ATG14: variants seen among roughly 807,000 people sequenced by gnomAD.
ATG14 encodes beclin 1-associated autophagy-related key regulator.
Under a neutral mutation model 60.4 loss-of-function variants are expected in ATG14, and 35 were observed. The observed-to-expected ratio is 0.58, with a 90% CI of 0.44 to 0.77. The LOEUF is 0.77. Ranked by LOEUF, ATG14 falls within the 30% of genes least tolerant of loss-of-function variation. ATG14 has a pLI of 0.00. For missense variants in ATG14, 647 were observed against 626.3 expected (o/e 1.03, Z -0.35); for synonymous variants, 234 against 228.8 (o/e 1.02, Z -0.21).
intron 6 of ATG14, 110 bp downstream of exon 6, chr14:55,381,852 A>G: frequency 6.0e-6 from 5 of 837,234 alleles, no homozygotes; most frequent in Non-Finnish European, 1.9e-6. Context: ...AGTGCTGTGA[A>G]TGTACTAAAT....
intron 3 of ATG14, among the ~76,000 whole-genome samples, chr14:55,393,106 G>A (rs974142740): frequency 6.6e-6 from 1 of 152,154 alleles, no homozygotes; most frequent in Non-Finnish European, 1.5e-5. Context: ...ATATGACTGG[G>A]CGCGGTGGCT....
intron 1 of ATG14, among the ~76,000 whole-genome samples, chr14:55,400,641 A>G (rs1885382130): frequency 1.3e-5 from 2 of 152,136 alleles, no homozygotes; most frequent in South Asian, 4.1e-4. Flanking sequence ...GGTGGCTCAC[A>G]CCTGTAATCG....
chr14:55,400,233 G>GAA (rs1885375120), intron 1 of ATG14, among the ~76,000 whole-genome samples: 1 of 152,106 alleles, frequency 6.6e-6, no homozygotes, highest in Non-Finnish European at 1.5e-5. Context: ...CCACAAGTCT[G>GAA]TGCTTTCTCA....
intron 7 of ATG14, among the ~76,000 whole-genome samples, chr14:55,380,219 G>A (rs934936793): frequency 6.6e-6 from 1 of 151,994 alleles, no homozygotes; most frequent in Non-Finnish European, 1.5e-5. Context: ...CTGCACTCTG[G>A]CCTGGGCGAC....
chr14:55,382,821 C>T (rs1885058580), intron 5 of ATG14, among the ~76,000 whole-genome samples: 1 of 152,194 alleles, frequency 6.6e-6, no homozygotes, highest in African/African-American at 2.4e-5. Context: ...GTGTTTAAAA[C>T]ACTTTGGAAT....
intron 1 of ATG14, among the ~76,000 whole-genome samples, chr14:55,409,886 G>A (rs1440733954): frequency 6.6e-6 from 1 of 152,222 alleles, no homozygotes; most frequent in Non-Finnish European, 1.5e-5. Context: ...GAGCAAGGAC[G>A]GAAGCAGAGA....
intron 3 of ATG14, 105 bp from the exon 4 acceptor site, chr14:55,391,097 T>C: frequency 1.3e-6 from 1 of 741,158 alleles, no homozygotes; most frequent in South Asian, 1.9e-5. Flanking sequence ...GAAAACATAA[T>C]GAAGAAAAAG....
Position 55,377,854 on chromosome 14 carries a change from C to T in ATG14, c.1137G>A (p.Met379Ile), listed in dbSNP as rs1191922468. 2 of 1,602,492 alleles carry T rather than the reference C, an allele frequency of 1.2e-6. No individual in the cohort carries two copies. The highest frequency in any genetic ancestry group is 1.8e-5 in the Admixed American group (1 of 56,714). ...LQPLHTLRNL[M>I]YLVSPSSEHL... ...GTTCAGAGCTTGGACTGACCAGGTA[C>T]ATTAGATTCCTGAGGGTATGCAGTG... is the stretch of plus-strand genomic sequence containing the variant. The change falls in exon 9 of 10, where the codon ATG becomes ATA. Residue 379 changes from methionine (M) to isoleucine (I), a missense_variant. By Grantham distance (10) the Met-to-Ile change is conservative. Coordinates refer to ENST00000247178, the MANE Select transcript of ATG14 (RefSeq NM_014924.5).
intron 1 of ATG14, among the ~76,000 whole-genome samples, chr14:55,409,408 C>G (rs1372830961): frequency 6.6e-6 from 1 of 152,106 alleles, no homozygotes; most frequent in Non-Finnish European, 1.5e-5. Context: ...GTTTATATCA[C>G]TGGGGTGGGG....
chr14:55,371,665 G>A (rs757513434), intron 9 of ATG14, among the ~76,000 whole-genome samples: 15 of 152,282 alleles, frequency 9.9e-5, no homozygotes, highest in Non-Finnish European at 1.3e-4. Context: ...TTAGCTGGGT[G>A]TGATGGCGGG....
intron 6 of ATG14, among the ~76,000 whole-genome samples, chr14:55,381,624 C>T (rs1262759014): frequency 6.6e-6 from 1 of 152,172 alleles, no homozygotes; most frequent in Non-Finnish European, 1.5e-5. Context: ...GAAAACATTA[C>T]GCTAAGTGAA....
intron 1 of ATG14, 90 bp downstream of exon 1, chr14:55,411,512 C>T: frequency 1.6e-6 from 2 of 1,288,526 alleles, no homozygotes; most frequent in South Asian, 1.4e-5. Flanking sequence ...TATCTGGTGC[C>T]CGGACGGGGA....
chr14:55,383,700 G>C (rs1488715663), intron 5 of ATG14, among the ~76,000 whole-genome samples: 1 of 151,760 alleles, frequency 6.6e-6, no homozygotes, highest in Non-Finnish European at 1.5e-5. Context: ...GCTCACGAAT[G>C]GTGCTATAAT....
rs1885575700 is a variant in ATG14 at position 55,411,667 on chromosome 14, C to G, written c.156G>C (p.Arg52=). ...RCPLCNTTRR[R]LTCAKCVQSG... ...TCTGAACGCATTTGGCGCAGGTCAG[C>G]CGCCGGCGGGTAGTGTTGCACAGCG... The change falls in exon 1 of 10, where the codon CGG becomes CGC. Residue 52 remains arginine (R), a synonymous_variant. Coordinates refer to ENST00000247178, the MANE Select transcript of ATG14 (RefSeq NM_014924.5). 6.2e-7 allele frequency: 1 copy of G among 1,613,316 alleles called. No individual in the cohort carries two copies.
In ATG14 at chr14:55,378,167, A is replaced by C. The variant is rs1884956886; in HGVS notation, c.996-93T>G. ...TACAGTACAATTAGGTATAACACAT[A>C]CTCTGTGCCCTTTTACTCCTTAGTA... On this transcript the variant is annotated intron_variant, in intron 7 of 9. Coordinates refer to ENST00000247178, the MANE Select transcript of ATG14 (RefSeq NM_014924.5). 6.9e-6 allele frequency: 7 copies of C among 1,011,314 alleles called. No homozygotes were observed. In the South Asian group the frequency reaches 1.0e-4, roughly 15 times the overall value. The allele number at this position is 1,011,314 out of a possible 1,614,324, so 62.6% of individuals were successfully genotyped here.
At chr14:55,370,085 G>A (rs771368239) in intron 9 of ATG14, among the ~76,000 whole-genome samples, 160 bp from the exon 10 acceptor site, 3 of 152,162 alleles carry the variant, frequency 2.0e-5, no homozygotes, top group Admixed American at 1.3e-4. Context: ...ATATGATTGC[G>A]TTTTCCTTTA....
chr14:55,402,943 ATATATATATATATATATATATAT>A (rs1566585699), intron 1 of ATG14, among the ~76,000 whole-genome samples: 11 of 60,994 alleles, frequency 1.8e-4, no homozygotes, highest in African/African-American at 6.3e-4. Context: ...ATATATATAT[ATATATATATATATATATATATAT>A]ATAAATAGCT....
intron 1 of ATG14, among the ~76,000 whole-genome samples, chr14:55,397,940 A>ATTT (rs1404740029): frequency 7.3e-6 from 1 of 136,836 alleles, no homozygotes. Flanking sequence ...CATTGCAGTA[A>ATTT]TTCTTTTTTT....
At chr14:55,410,426 A>G (rs1043729028) in intron 1 of ATG14, among the ~76,000 whole-genome samples, 1 of 152,188 alleles carries the variant, frequency 6.6e-6, no homozygotes, top group Non-Finnish European at 1.5e-5. Context: ...TATTCTTATA[A>G]CTGGTTTAAT....
Sources: gnomAD v4.1 joint callset for allele counts (sites outside exome capture counted in the v4.1 genomes callset) on GRCh38, gnomAD v4.1.1 for gene constraint, MANE v1.5 for transcripts, NCBI Gene and HGNC (gene_info 2026-07-23, HGNC 2026-07-21) for gene names.